GTF3C1: variants seen among roughly 807,000 people sequenced by gnomAD.
GTF3C1 encodes the protein general transcription factor IIIC subunit 1.
A neutral mutation model predicts 226.7 loss-of-function variants in GTF3C1; 57 were observed. The ratio of observed to expected loss-of-function variants is 0.25; its 90% CI spans 0.20 to 0.31. The LOEUF (loss-of-function observed/expected upper bound fraction) is 0.31. GTF3C1 is among the 10% of genes least tolerant of loss of function. The pLI is 1.00. For synonymous variants in GTF3C1, 1,090 were observed against 1,084.8 expected (o/e 1.00, Z -0.09); for missense variants, 2,217 against 2,776.1 (o/e 0.80, Z 4.53).
intron 23 of GTF3C1, 116 bp from the exon 24 acceptor site, chr16:27,486,270 A>T (rs2088137112): frequency 1.7e-6 from 1 of 600,904 alleles, no homozygotes; most frequent in Admixed American, 2.8e-5. Context: ...GGTATTGGTT[A>T]GCAGATACTC....
intron 6 of GTF3C1, among the ~76,000 whole-genome samples, chr16:27,524,833 A>G (rs1434445696): frequency 6.6e-6 from 1 of 152,256 alleles, no homozygotes; most frequent in African/African-American, 2.4e-5. Flanking sequence ...ATGAGTATTT[A>G]GGTATTCAGG....
rs369526551 is a variant in GTF3C1, at chr16:27,508,550, T to C, written c.1232A>G (p.Lys411Arg). 66 of 1,612,520 alleles carry C rather than the reference T, an allele frequency of 4.1e-5. No individual in the cohort carries two copies. The highest frequency in any genetic ancestry group is 1.4e-4 in the South Asian group (13 of 91,044). ...RMLCRLLQRF[K>R]VVKGFMEDEG... ...GGCTCATGATGTTACCTTGACAACT[T>C]TGAATCTTTGAAGAAGTCGGCACAG... Residue 411 changes from lysine (K) to arginine (R), a missense_variant, in exon 8 of 37, where the codon AAA (lysine) becomes AGA (arginine). Lys to Arg is a conservative substitution (Grantham distance 26, BLOSUM62 2). This residue lies in a region of GTF3C1 where 25 missense variants were observed against 71.9 expected (regional missense o/e 0.35). Transcript: ENST00000356183.
chr16:27,544,640 G>C (rs780159777), intron 2 of GTF3C1, among the ~76,000 whole-genome samples: 1 of 151,870 alleles, frequency 6.6e-6, no homozygotes, highest in Non-Finnish European at 1.5e-5. Context: ...AGGAAGGAAG[G>C]CAGGAATGGA....
Position 27,461,642 on chromosome 16 carries a change from G to T in GTF3C1, c.6118-80C>A. 1 of 1,105,038 alleles carries T rather than the reference G, an allele frequency of 9.0e-7. No individual in the cohort carries two copies. Among genetic ancestry groups the T allele is most frequent in the Non-Finnish European group, 1.3e-6 (1 of 744,166 alleles). 68.5% of individuals were successfully genotyped at this position (1,105,038 alleles called of 1,614,324 possible). ...TTTATTCTTCAAGCATTTATGGAAT[G>T]CCCCCTCTGTACCAGGGAGCCACTT... On this transcript the variant is annotated intron_variant, in intron 36 of 36. Coordinates refer to ENST00000356183, the MANE Select transcript of GTF3C1 (RefSeq NM_001520.4). The surrounding 1 kb of genome is among the most constrained non-coding windows in gnomAD (Gnocchi z 5.3).
chr16:27,542,752 T>C (rs1005025270), intron 2 of GTF3C1, among the ~76,000 whole-genome samples: 1 of 152,190 alleles, frequency 6.6e-6, no homozygotes, highest in Non-Finnish European at 1.5e-5. Flanking sequence ...AAAGCAAGGA[T>C]GTCCTCCGGG....
chr16:27,546,993 C>T (rs1188386443), intron 1 of GTF3C1, among the ~76,000 whole-genome samples: 5 of 152,062 alleles, frequency 3.3e-5, no homozygotes, highest in South Asian at 2.1e-4. Flanking sequence ...CCACCTGCCT[C>T]GGCCTCCCAA....
intron 2 of GTF3C1, among the ~76,000 whole-genome samples, chr16:27,539,519 C>T (rs1208740685): frequency 6.6e-6 from 1 of 152,226 alleles, no homozygotes; most frequent in African/African-American, 2.4e-5. Context: ...CATTCACCCA[C>T]TCTCAGAGTC....
intron 2 of GTF3C1, among the ~76,000 whole-genome samples, chr16:27,543,300 C>G (rs562233112): frequency 1.3e-5 from 2 of 152,162 alleles, no homozygotes; most frequent in Non-Finnish European, 2.9e-5. Flanking sequence ...GCAGGAGAAT[C>G]GCTTGAACCT....
At chr16:27,490,139 G>A (rs1416221553) in intron 19 of GTF3C1, among the ~76,000 whole-genome samples, 1 of 152,214 alleles carries the variant, frequency 6.6e-6, no homozygotes, top group Admixed American at 6.5e-5. Context: ...GCCCTTGCTG[G>A]TGGTGGCAGG....
intron 6 of GTF3C1, among the ~76,000 whole-genome samples, chr16:27,525,028 C>T (rs1330137527): frequency 6.6e-6 from 1 of 152,054 alleles, no homozygotes; most frequent in Admixed American, 6.6e-5. Context: ...GTGGCGCACG[C>T]CTGTAATCTC....
At chr16:27,491,254 G>A (rs1031549933) in intron 19 of GTF3C1, among the ~76,000 whole-genome samples, 33 of 152,162 alleles carry the variant, frequency 2.2e-4, no homozygotes, top group African/African-American at 7.2e-4. Flanking sequence ...AGGGAGGAGC[G>A]GAATGGAACT....
rs528625436 is a variant in GTF3C1 at position 27,541,093 on chromosome 16, G to A, written c.432-2737C>T. Among the ~76,000 whole-genome samples, 549 of 152,234 alleles carry A rather than the reference G, an allele frequency of 3.6e-3. 2 individuals are homozygous for A. The highest frequency in any genetic ancestry group is 0.017 in the Middle Eastern group (5 of 294). ...TGGCCTCAAGTGATCCACCCCCCTC[G>A]GCCTCCCAAAATGCTGGGATTACAG... is the stretch of plus-strand genomic sequence containing the variant. On this transcript the variant is annotated intron_variant, in intron 2 of 36. Transcript: ENST00000356183.
intron 1 of GTF3C1, among the ~76,000 whole-genome samples, chr16:27,549,102 G>A (rs1199860473): frequency 6.6e-6 from 1 of 152,090 alleles, no homozygotes; most frequent in African/African-American, 2.4e-5. Context: ...AGGTTGCAGT[G>A]AGCCAAGATC....
At position 27,471,544 on chromosome 16, in the gene GTF3C1, AAAG is replaced by A; in HGVS notation, c.4526+201_4526+203del. 1 of 527,146 alleles carries A rather than the reference AAAG, an allele frequency of 1.9e-6. No individual in the cohort carries two copies. Among genetic ancestry groups the A allele is most frequent in the South Asian group, 3.0e-5 (1 of 33,662 alleles). 32.7% of individuals were successfully genotyped at this position (527,146 alleles called of 1,614,324 possible). ...TGCAAAATGGTAACGCCGCCAACAC[AAAG>A]AAGCTGCCAGCGCTCACCTGATCCC... On this transcript the variant is annotated intron_variant, in intron 30 of 36. Transcript: ENST00000356183. This position sits in a 1 kb window ranked among gnomAD's most constrained non-coding sequence, Gnocchi z 5.0.
intron 27 of GTF3C1, 64 bp from the exon 28 acceptor site, chr16:27,478,595 C>A: frequency 8.7e-7 from 1 of 1,144,460 alleles, no homozygotes; most frequent in Non-Finnish European, 1.3e-6. Context: ...CAAGCGGATG[C>A]TGGCTCAAGA....
At position 27,468,457 on chromosome 16, in the gene GTF3C1, A is replaced by T. The variant is rs9928940; in HGVS notation, c.5074+834T>A. The stretch of plus-strand genomic sequence containing the variant: ...GAAGGCCCCGTCTCTACAAAAAATT[A>T]AAAAATTAGCTGGCTGTGGTGGCAC... On this transcript the variant is annotated intron_variant, in intron 32 of 36. Transcript: ENST00000356183. 8.0e-3 allele frequency among the ~76,000 whole-genome samples: 1,211 copies of T among 152,242 alleles called. 17 individuals carry two copies. The highest frequency in any genetic ancestry group is 0.028 in the African/African-American group (1,155 of 41,532).
chr16:27,508,722 A>C, intron 7 of GTF3C1, 67 bp from the exon 8 acceptor site: 1 of 1,160,996 alleles, frequency 8.6e-7, no homozygotes, highest in East Asian at 2.4e-5. Flanking sequence ...GTCAGTTTCC[A>C]GCCCACTTTT....
intron 16 of GTF3C1, among the ~76,000 whole-genome samples, chr16:27,493,881 CT>C (rs1459319194): frequency 6.6e-6 from 1 of 151,654 alleles, no homozygotes; most frequent in Non-Finnish European, 1.5e-5. Context: ...ACAAAACATT[CT>C]TTAGTCAAAA....
intron 7 of GTF3C1, among the ~76,000 whole-genome samples, chr16:27,509,143 C>G (rs1402275062): frequency 6.6e-6 from 1 of 152,224 alleles, no homozygotes; most frequent in Non-Finnish European, 1.5e-5. Context: ...GACTACTGCA[C>G]TGTCCCATAA....
Sources: gnomAD v4.1 joint callset for allele counts (sites outside exome capture counted in the v4.1 genomes callset) on GRCh38, gnomAD v4.1.1 for gene constraint, gnomAD v4.1.1 regional missense constraint, Gnocchi (gnomAD v3.1) non-coding constraint, MANE v1.5 for transcripts, NCBI Gene and HGNC (gene_info 2026-07-23, HGNC 2026-07-21) for gene names.